DIP2B: variants seen among roughly 807,000 people sequenced by gnomAD.
DIP2B encodes DIP2 acetate--CoA ligase B (putative).
DIP2B carries 76 observed loss-of-function variants against 198.0 expected under a neutral mutation model. That is an observed-to-expected ratio of 0.38 (90% CI 0.32 to 0.46). The LOEUF (loss-of-function observed/expected upper bound fraction) is 0.46. Among genes scored for constraint, DIP2B ranks in the 20% least tolerant of loss-of-function variants. The probability of loss-of-function intolerance (pLI) is 0.99; values close to 1 mark genes in which losing one functional copy is unlikely to be tolerated. For synonymous variants in DIP2B, 701 were observed against 739.1 expected (o/e 0.95, Z 0.84); for missense variants, 1,559 against 1,978.4 (o/e 0.79, Z 4.02).
At chr12:50,576,733 G>A (rs1469776385) in intron 1 of DIP2B, among the ~76,000 whole-genome samples, 7 of 140,230 alleles carry the variant, frequency 5.0e-5, no homozygotes, top group African/African-American at 7.9e-5. Flanking sequence ...TGCCCGCCTC[G>A]GCCTCTCAAA....
rs1940043477 is a variant in DIP2B, at chr12:50,731,590, G to A, written c.3810+53G>A. 3.2e-6 allele frequency: 5 copies of A among 1,562,420 alleles called. No individual in the cohort carries two copies. The South Asian group carries it at 3.6e-5, about 11-fold the overall frequency. ...GTCCCAAAAGGTTCTGAAGAAATGC[G>A]CCAGGACGTAACAGGGCCAGAGCAG... On this transcript the variant is annotated intron_variant, in intron 31 of 37. Transcript: ENST00000301180.
At chr12:50,512,358 C>T (rs919852750) in intron 1 of DIP2B, among the ~76,000 whole-genome samples, 5 of 151,702 alleles carry the variant, frequency 3.3e-5, no homozygotes, top group East Asian at 2.0e-4. Context: ...CTGCCCGCAT[C>T]GGCCTCCCAG....
rs71083583 is a variant in DIP2B at position 50,514,065 on chromosome 12, C to CTT, written c.100+8841_100+8842dup. 4.2e-3 allele frequency among the ~76,000 whole-genome samples: 494 copies of CTT among 118,798 alleles called. 8 individuals carry two copies. The highest frequency in any genetic ancestry group is 0.012 in the African/African-American group (388 of 32,580). 77.9% of individuals were successfully genotyped at this position (118,798 alleles called of 152,430 possible). ...ATCTAAAGCTCTGTCACTCAGTTGTCTTTTTTTTTTTTTTTTTGAGACGGA... is the reference window on the plus strand; with the variant it reads ...ATCTAAAGCTCTGTCACTCAGTTGTCTTTTTTTTTTTTTTTTTTTGAGACGGA... On this transcript the variant is annotated intron_variant, in intron 1 of 37. Coordinates refer to ENST00000301180, the MANE Select transcript of DIP2B (RefSeq NM_173602.3).
At chr12:50,655,056 T>C (rs531468532) in intron 3 of DIP2B, 14 of 440,346 alleles carry the variant, frequency 3.2e-5, no homozygotes, top group Non-Finnish European at 3.6e-5. Context: ...CCCTGATTAG[T>C]GTAAAAATAT....
chr12:50,559,462 TG>T (rs966253469), intron 1 of DIP2B, among the ~76,000 whole-genome samples: 24 of 152,136 alleles, frequency 1.6e-4, no homozygotes, highest in African/African-American at 5.8e-4. Context: ...ATTATTAGGC[TG>T]GGCATAGTGT....
intron 1 of DIP2B, among the ~76,000 whole-genome samples, chr12:50,597,540 C>T (rs559132162): frequency 6.6e-6 from 1 of 152,208 alleles, no homozygotes; most frequent in East Asian, 1.9e-4. Context: ...CATGGAGGAG[C>T]GTTAATACAA....
chr12:50,723,941 A>G (rs1939885810), intron 27 of DIP2B, among the ~76,000 whole-genome samples: 3 of 152,192 alleles, frequency 2.0e-5, no homozygotes. Context: ...TGGAGATGAT[A>G]GAAGTTTTTA....
intron 1 of DIP2B, among the ~76,000 whole-genome samples, chr12:50,524,888 C>T (rs552559568): frequency 1.8e-4 from 27 of 152,244 alleles, no homozygotes; most frequent in African/African-American, 4.3e-4. Context: ...CCACCATGCC[C>T]GCCTAATTTT....
intron 3 of DIP2B, among the ~76,000 whole-genome samples, chr12:50,641,727 G>C (rs1473136357): frequency 6.6e-6 from 1 of 152,176 alleles, no homozygotes; most frequent in African/African-American, 2.4e-5. Context: ...CTGGCGGCCA[G>C]TACCAGGTGT....
At chr12:50,615,145 G>A (rs1474322205) in intron 1 of DIP2B, among the ~76,000 whole-genome samples, 1 of 152,132 alleles carries the variant, frequency 6.6e-6, no homozygotes, top group East Asian at 1.9e-4. Context: ...ATAGTTGGAA[G>A]ATAACTAGCT....
At chr12:50,587,168 A>G (rs920490373) in intron 1 of DIP2B, among the ~76,000 whole-genome samples, 44 of 152,212 alleles carry the variant, frequency 2.9e-4, no homozygotes, top group African/African-American at 9.9e-4. Context: ...ATACCTCTAC[A>G]CTTTAGGTAG....
In DIP2B at chr12:50,748,365, C is replaced by T. The variant is rs867134805; in HGVS notation, c.*3526C>T. ...ATAGGCCTTTTCTTTATCATTCATA[C>T]GACATTTCTGGTTTAGGTGTATGTA... On this transcript the variant is annotated 3_prime_UTR_variant, in exon 38 of 38. Transcript: ENST00000301180. 7.2e-5 allele frequency: 11 copies of T among 152,520 alleles called. No individual in the cohort carries two copies. Among genetic ancestry groups the T allele is most frequent in the African/African-American group, 1.7e-4 (7 of 41,392 alleles). 9.4% of individuals were successfully genotyped at this position (152,520 alleles called of 1,614,324 possible).
intron 22 of DIP2B, among the ~76,000 whole-genome samples, chr12:50,709,010 C>A (rs998931913): frequency 2.0e-5 from 3 of 152,146 alleles, no homozygotes; most frequent in Non-Finnish European, 4.4e-5. Flanking sequence ...GTGAGATAAA[C>A]CATGAGGGAA....
intron 27 of DIP2B, among the ~76,000 whole-genome samples, chr12:50,724,528 G>T (rs1374923982): frequency 6.6e-6 from 1 of 152,190 alleles, no homozygotes; most frequent in Non-Finnish European, 1.5e-5. Flanking sequence ...GAAATACTTT[G>T]AGAATCACTG....
At chr12:50,642,327 C>A (rs1248297881) in intron 3 of DIP2B, among the ~76,000 whole-genome samples, 1 of 152,156 alleles carries the variant, frequency 6.6e-6, no homozygotes, top group Non-Finnish European at 1.5e-5. Context: ...GAGACCAGAT[C>A]TTGTGGGATC....
rs143726702 is a variant in DIP2B, at chr12:50,744,599, A to G, written c.4491A>G (p.Thr1497=). ...ATTGAAATTTCAGTGCCGTGTTCACATGGACCAACTTGCTTGTGGTGGTTG... is the reference window on the plus strand; with the variant it reads ...ATTGAAATTTCAGTGCCGTGTTCACGTGGACCAACTTGCTTGTGGTGGTTG... ...HRSIAECAVF[T]WTNLLVVVVE... Residue 1497 remains threonine, a synonymous_variant, in exon 38 of 38, where the codon ACA becomes ACG. Transcript: ENST00000301180. 5.6e-6 allele frequency: 9 copies of G among 1,613,814 alleles called. No individual in the cohort carries two copies. Among genetic ancestry groups the G allele is most frequent in the Non-Finnish European group, 5.9e-6 (7 of 1,179,726 alleles).
chr12:50,610,861 G>A (rs1959025733), intron 1 of DIP2B, among the ~76,000 whole-genome samples: 1 of 149,546 alleles, frequency 6.7e-6, no homozygotes, highest in Non-Finnish European at 1.5e-5. Flanking sequence ...GGAGTGCAGT[G>A]GCGTGATCTT....
At chr12:50,552,189 A>G (rs993666082) in intron 1 of DIP2B, among the ~76,000 whole-genome samples, 6 of 151,904 alleles carry the variant, frequency 3.9e-5, no homozygotes, top group Middle Eastern at 6.9e-3. Context: ...CTCATTGGCC[A>G]TCTTAGCAGA....
intron 1 of DIP2B, among the ~76,000 whole-genome samples, chr12:50,540,710 G>A (rs1002352604): frequency 1.3e-4 from 19 of 151,544 alleles, no homozygotes; most frequent in Admixed American, 6.6e-4. Context: ...CACGGCGCCC[G>A]GCTAATTTTT....
Sources: gnomAD v4.1 joint callset for allele counts (sites outside exome capture counted in the v4.1 genomes callset) on GRCh38, gnomAD v4.1.1 for gene constraint, MANE v1.5 for transcripts, NCBI Gene and HGNC (gene_info 2026-07-23, HGNC 2026-07-21) for gene names.